The following SPOP variants were observed in gnomAD, a reference collection of about 807,000 sequenced individuals.
SPOP encodes the protein speckle-type POZ protein.
Under a neutral mutation model 45.6 loss-of-function variants are expected in SPOP, and 11 were observed. The observed-to-expected ratio is 0.24, with a 90% CI of 0.15 to 0.40. The LOEUF (loss-of-function observed/expected upper bound fraction) is 0.40. Ranked by LOEUF, SPOP falls within the 10% of genes least tolerant of loss-of-function variation. The probability of loss-of-function intolerance (pLI) is 1.00; values close to 1 mark genes in which losing one functional copy is unlikely to be tolerated. For missense variants in SPOP, 152 were observed against 465.6 expected (o/e 0.33, Z 6.20); for synonymous variants, 166 against 166.3 (o/e 1.00, Z 0.01).
intron 1 of SPOP, among the ~76,000 whole-genome samples, chr17:49,648,818 G>A (rs1265093417): frequency 6.6e-6 from 1 of 152,112 alleles, no homozygotes; most frequent in Non-Finnish European, 1.5e-5. Context: ...GAGTGCAGTG[G>A]CGGATCTCGA....
At position 49,600,090 on chromosome 17, in the gene SPOP, G is replaced by A. The variant is rs140827537; in HGVS notation, c.*288C>T. On this transcript the variant is annotated 3_prime_UTR_variant, in exon 10 of 10. Coordinates refer to ENST00000504102, the MANE Select transcript of SPOP (RefSeq NM_001007228.2). The surrounding 1 kb of genome is among the most constrained non-coding windows in gnomAD (Gnocchi z 4.2). The stretch of plus-strand genomic sequence containing the variant: ...AGACAGGTGTCTCCGAAGTACCACC[G>A]CTGGGATATCCTCGGGCCAGCGCCT... 11 of 386,416 alleles carry A rather than the reference G, an allele frequency of 2.8e-5. No homozygotes were observed. In the East Asian group the frequency reaches 3.8e-4, roughly 13 times the overall value. 23.9% of individuals were successfully genotyped at this position (386,416 alleles called of 1,614,324 possible).
intron 8 of SPOP, among the ~76,000 whole-genome samples, chr17:49,604,860 T>C (rs1002536969): frequency 2.0e-5 from 3 of 152,230 alleles, no homozygotes; most frequent in Non-Finnish European, 4.4e-5. Context: ...TGGGGACCAC[T>C]AATCTTGCAG....
At chr17:49,640,903 A>G (rs113567000) in intron 1 of SPOP, among the ~76,000 whole-genome samples, 24 of 151,998 alleles carry the variant, frequency 1.6e-4, no homozygotes, top group African/African-American at 5.8e-4. Context: ...CTCAGGGCAC[A>G]CTCCTTCACC....
intron 5 of SPOP, among the ~76,000 whole-genome samples, chr17:49,617,649 C>T (rs907413914): frequency 3.3e-5 from 5 of 152,066 alleles, no homozygotes; most frequent in African/African-American, 4.8e-5. Context: ...GCTGGCTGGG[C>T]GTGGTGGCTC....
intron 1 of SPOP, among the ~76,000 whole-genome samples, chr17:49,632,356 G>T (rs1372515677): frequency 1.3e-5 from 2 of 152,110 alleles, no homozygotes; most frequent in African/African-American, 4.8e-5. Context: ...CAGAGCTATG[G>T]GGGGAGTTCC....
Position 49,633,529 on chromosome 17 carries a change from C to CA in SPOP, c.-66-10654dup, listed in dbSNP as rs144151654. On this transcript the variant is annotated intron_variant, in intron 1 of 9. Transcript: ENST00000504102. ...CTTTGGATGCAACTTTTCCAGTCAG[C>CA]AAAAAAAATCAAAAAAGCAGAAAAT... Among the ~76,000 whole-genome samples the CA allele has an allele frequency of 2.2e-3, 338 of 151,546 alleles. 1 individual carries two copies. Among genetic ancestry groups the CA allele is most frequent in the African/African-American group, 7.3e-3 (303 of 41,318 alleles).
At chr17:49,659,878 T>A (rs572497575) in intron 1 of SPOP, among the ~76,000 whole-genome samples, 1 of 152,324 alleles carries the variant, frequency 6.6e-6, no homozygotes, top group African/African-American at 2.4e-5. Context: ...CAGTGACACG[T>A]CTACCCATCC....
At position 49,619,534 on chromosome 17, in the gene SPOP, T is replaced by G. The variant is rs1260624212; in HGVS notation, c.201-149A>C. ...GTAGAATGACTAGTTGGGAACAACT[T>G]TTTTCTCTTTTTTTTTGAGACATGG... On this transcript the variant is annotated intron_variant, in intron 3 of 9. Transcript: ENST00000504102. This position sits in a 1 kb window ranked among gnomAD's most constrained non-coding sequence, Gnocchi z 4.9. 2 of 905,166 alleles carry G rather than the reference T, an allele frequency of 2.2e-6. No homozygotes were observed. The highest frequency in any genetic ancestry group is 1.7e-5 in the African/African-American group (1 of 59,212). The allele number at this position is 905,166 out of a possible 1,614,324, so 56.1% of individuals were successfully genotyped here. A position where few individuals can be genotyped will look rare whatever the true frequency, so the allele number is the denominator to read the frequency against.
chr17:49,666,521 G>A (rs187684154), intron 1 of SPOP, among the ~76,000 whole-genome samples: 156 of 150,972 alleles, frequency 1.0e-3, no homozygotes, highest in Admixed American at 2.0e-3. Flanking sequence ...TAATAAATCT[G>A]ATTGCATGAA....
At chr17:49,605,052 CT>C (rs1370110646) in intron 8 of SPOP, among the ~76,000 whole-genome samples, 3 of 152,144 alleles carry the variant, frequency 2.0e-5, no homozygotes, top group African/African-American at 7.2e-5. Flanking sequence ...TCCCACCAAC[CT>C]AATATCTGTT....
At chr17:49,606,719 T>G (rs2143152230) in intron 8 of SPOP, among the ~76,000 whole-genome samples, 1 of 152,104 alleles carries the variant, frequency 6.6e-6, no homozygotes, top group South Asian at 2.1e-4. Flanking sequence ...GGTCTCAAAC[T>G]CCTGAGCTCA....
At chr17:49,626,463 G>A (rs1220693103) in intron 1 of SPOP, among the ~76,000 whole-genome samples, 1 of 152,146 alleles carries the variant, frequency 6.6e-6, no homozygotes, top group Non-Finnish European at 1.5e-5. Flanking sequence ...GGGAAGCCAA[G>A]GCAGGCGGGT....
chr17:49,629,638 C>A (rs2072410919), intron 1 of SPOP, among the ~76,000 whole-genome samples: 1 of 152,158 alleles, frequency 6.6e-6, no homozygotes, highest in Non-Finnish European at 1.5e-5. Context: ...AGGAAAATGT[C>A]CCAATAGTTT....
intron 6 of SPOP, 33 bp from the exon 7 acceptor site, chr17:49,607,962 C>G: frequency 6.2e-7 from 1 of 1,604,928 alleles, no homozygotes; most frequent in Non-Finnish European, 8.5e-7. Context: ...GCAGATAAGG[C>G]TATCACAGTG....
chr17:49,635,779 A>G (rs1360764150), intron 1 of SPOP, among the ~76,000 whole-genome samples: 1 of 151,400 alleles, frequency 6.6e-6, no homozygotes, highest in Non-Finnish European at 1.5e-5. Flanking sequence ...GGATTCAGGC[A>G]CGTGCCACCA....
chr17:49,636,558 TATTTTA>T (rs1392297579), intron 1 of SPOP, among the ~76,000 whole-genome samples: 1 of 152,214 alleles, frequency 6.6e-6, no homozygotes, highest in Non-Finnish European at 1.5e-5. Flanking sequence ...TAATAATTCT[TATTTTA>T]AAAGAAAATC....
At chr17:49,631,821 G>C (rs939280036) in intron 1 of SPOP, among the ~76,000 whole-genome samples, 1 of 152,120 alleles carries the variant, frequency 6.6e-6, no homozygotes, top group African/African-American at 2.4e-5. Context: ...TTGTCATTTA[G>C]GTCTCCTAGC....
chr17:49,623,679 C>A (rs184203103), intron 1 of SPOP, among the ~76,000 whole-genome samples: 1 of 152,204 alleles, frequency 6.6e-6, no homozygotes, highest in East Asian at 1.9e-4. Context: ...ATTTTTACAC[C>A]TTTCTTAGAT....
intron 6 of SPOP, among the ~76,000 whole-genome samples, chr17:49,609,860 A>G (rs1411028705): frequency 2.6e-5 from 4 of 151,838 alleles, no homozygotes; most frequent in Non-Finnish European, 4.4e-5. Flanking sequence ...TACTAGATAG[A>G]TAGCAAGGGT....
Sources: allele counts gnomAD v4.1 joint callset (sites outside exome capture counted in the v4.1 genomes callset), GRCh38; gene constraint gnomAD v4.1.1; non-coding constraint Gnocchi (gnomAD v3.1); transcripts MANE v1.5; gene names NCBI Gene and HGNC (gene_info 2026-07-23, HGNC 2026-07-21).